The following NSMAF variants were observed in gnomAD, a reference collection of about 807,000 sequenced individuals.
NSMAF encodes the protein neutral sphingomyelinase activation associated factor, also known as protein FAN.
NSMAF carries 90 observed loss-of-function variants against 134.9 expected under a neutral mutation model. The ratio of observed to expected loss-of-function variants is 0.67; its 90% CI spans 0.56 to 0.79. The LOEUF is 0.79. Among genes scored for constraint, NSMAF ranks in the 30% least tolerant of loss-of-function variants. NSMAF has a pLI of 0.00. For missense variants in NSMAF, 1,010 were observed against 1,119.0 expected, an observed-to-expected ratio of 0.90 and a Z score of 1.39; for synonymous variants, 358 against 389.6, an observed-to-expected ratio of 0.92 and a Z score of 0.96.
chr8:58,641,912 A>G (rs1399968269), intron 2 of NSMAF, among the ~76,000 whole-genome samples: 2 of 152,236 alleles, frequency 1.3e-5, no homozygotes, highest in Non-Finnish European at 2.9e-5. Flanking sequence ...GTATTTTAAT[A>G]ATAAACAAGT....
At chr8:58,624,808 A>G (rs1422713832) in intron 6 of NSMAF, among the ~76,000 whole-genome samples, 1 of 152,140 alleles carries the variant, frequency 6.6e-6, no homozygotes, top group African/African-American at 2.4e-5. Context: ...CTGATGTCCT[A>G]TCTGAACGTT....
At chr8:58,636,694 T>G (rs74853108) in intron 2 of NSMAF, among the ~76,000 whole-genome samples, 4,357 of 152,282 alleles carry the variant, frequency 0.029, 245 homozygotes, top group East Asian at 0.23. Context: ...ACACACAGTA[T>G]GTACACAAAT....
Position 58,604,190 on chromosome 8 carries a change from T to C in NSMAF, c.869-804A>G, listed in dbSNP as rs558275075. 3.9e-5 allele frequency among the ~76,000 whole-genome samples: 6 copies of C among 152,270 alleles called. No individual in the cohort carries two copies. In the South Asian group the frequency reaches 1.2e-3, roughly 32 times the overall value. On this transcript the variant is annotated intron_variant, in intron 12 of 30. Transcript: ENST00000038176. Reference sequence around the variant, plus strand: ...CTTTAATCAGCTACTAGGAAAGGGCTTCAAAAATCAAAACACACTTCCCCC... The same window carrying C: ...CTTTAATCAGCTACTAGGAAAGGGCCTCAAAAATCAAAACACACTTCCCCC...
chr8:58,643,192 T>C (rs1807373785), intron 1 of NSMAF, 119 bp from the exon 2 acceptor site: 4 of 748,996 alleles, frequency 5.3e-6, no homozygotes, highest in Non-Finnish European at 9.3e-6. Context: ...CAAACATTTA[T>C]GAAGCATGTA....
intron 1 of NSMAF, among the ~76,000 whole-genome samples, chr8:58,657,873 A>G (rs1259671394): frequency 6.6e-6 from 1 of 152,246 alleles, no homozygotes; most frequent in Admixed American, 6.5e-5. Context: ...GAACACTGCC[A>G]GCCTATCACG....
At chr8:58,659,412 T>C (rs1478420387) in intron 1 of NSMAF, 161 bp downstream of exon 1, 1 of 1,509,270 alleles carries the variant, frequency 6.6e-7, no homozygotes, top group African/African-American at 1.4e-5. Context: ...CGACCTCAGG[T>C]TTCCGCCACA....
chr8:58,623,083 T>C (rs1229641203), intron 9 of NSMAF, 137 bp downstream of exon 9: 1 of 681,484 alleles, frequency 1.5e-6, no homozygotes, highest in Non-Finnish European at 2.6e-6. Flanking sequence ...TCTCCTGCAC[T>C]GAGGCTGAGC....
intron 26 of NSMAF, 39 bp downstream of exon 26, chr8:58,589,413 C>G: frequency 7.1e-7 from 1 of 1,411,008 alleles, no homozygotes; most frequent in Non-Finnish European, 9.3e-7. Context: ...TGCCATATAG[C>G]ACACCAAGTT....
At chr8:58,639,882 G>A in intron 2 of NSMAF, 1 of 298,856 alleles carries the variant, frequency 3.3e-6, no homozygotes, top group Non-Finnish European at 6.6e-6. Flanking sequence ...AGTAAAATAA[G>A]CCAGCCACAG....
chr8:58,598,490 C>CAAAAAAAAAAAAAAAAAAAA (rs71250204), intron 19 of NSMAF, among the ~76,000 whole-genome samples: 80 of 125,966 alleles, frequency 6.4e-4, no homozygotes, highest in South Asian at 9.8e-4. Context: ...CTGTCTCAAA[C>CAAAAAAAAAAAAAAAAAAAA]AAAAAAAAAA....
At chr8:58,584,358 T>C (rs1170033524) in intron 30 of NSMAF, among the ~76,000 whole-genome samples, 158 bp from the exon 31 acceptor site, 1 of 152,220 alleles carries the variant, frequency 6.6e-6, no homozygotes, top group Non-Finnish European at 1.5e-5. Flanking sequence ...AACCCTTGAA[T>C]AAATTAAAAA....
intron 23 of NSMAF, among the ~76,000 whole-genome samples, chr8:58,591,597 G>A (rs1200731893): frequency 7.2e-6 from 1 of 139,458 alleles, no homozygotes; most frequent in Non-Finnish European, 1.5e-5. Flanking sequence ...AGCAATTCTT[G>A]TGCCTCAGCC....
chr8:58,647,914 T>A (rs1807498031), intron 1 of NSMAF, among the ~76,000 whole-genome samples: 1 of 152,096 alleles, frequency 6.6e-6, no homozygotes, highest in African/African-American at 2.4e-5. Context: ...CGTAAAGACA[T>A]GGAAGCAGCT....
rs752705451 is a variant in NSMAF, at chr8:58,631,536, A to G, written c.344T>C (p.Ile115Thr). The G allele has an allele frequency of 6.7e-7, 1 of 1,499,606 alleles. No individual in the cohort carries two copies. Among genetic ancestry groups the G allele is most frequent in the Non-Finnish European group, 9.1e-7 (1 of 1,104,914 alleles). 92.9% of individuals were successfully genotyped at this position (1,499,606 alleles called of 1,614,324 possible). Residue 115 changes from isoleucine to threonine, a missense_variant, in exon 6 of 31, where the codon ATT (isoleucine) becomes ACT (threonine). Physicochemically the swap from Ile to Thr is moderately conservative, Grantham distance 89. Coordinates refer to ENST00000038176, the MANE Select transcript of NSMAF (RefSeq NM_003580.4). ...TGGTGCAACAACATTATGTTCTTTA[A>G]TGAAATATACCTGAGCAAGAAAAAG... Reference protein sequence around the residue: ...ISLIFSQVYFIKEHNVVAPYK... With the variant: ...ISLIFSQVYFTKEHNVVAPYK...
At chr8:58,606,677 T>C (rs1228831730) in intron 11 of NSMAF, among the ~76,000 whole-genome samples, 3 of 152,118 alleles carry the variant, frequency 2.0e-5, no homozygotes, top group Admixed American at 1.3e-4. Flanking sequence ...TTTGTGACCA[T>C]AGTGTTAGTA....
intron 1 of NSMAF, among the ~76,000 whole-genome samples, chr8:58,645,830 C>A (rs978634375): frequency 6.6e-6 from 1 of 152,132 alleles, no homozygotes; most frequent in African/African-American, 2.4e-5. Flanking sequence ...TGCCTGAGGT[C>A]AGGAGTTCGA....
rs1166383919 is a variant in NSMAF, at chr8:58,621,409, T to C, written c.557+1811A>G. ...GCTATTAATATTTTGAATAGTGCTG[T>C]GATAAGCCTACGTGTGCATGTATCT... On this transcript the variant is annotated intron_variant, in intron 9 of 30. Coordinates refer to ENST00000038176, the MANE Select transcript of NSMAF (RefSeq NM_003580.4). Among the ~76,000 whole-genome samples, 8 of 152,150 alleles carry C rather than the reference T, an allele frequency of 5.3e-5. No homozygotes were observed. The East Asian group carries it at 1.5e-3, about 29-fold the overall frequency.
chr8:58,614,699 G>C (rs1382828960), intron 9 of NSMAF, among the ~76,000 whole-genome samples: 1 of 152,164 alleles, frequency 6.6e-6, no homozygotes, highest in Non-Finnish European at 1.5e-5. Context: ...CAGTCATTTG[G>C]ACGCTGAGTC....
chr8:58,621,591 C>T (rs573679481), intron 9 of NSMAF, among the ~76,000 whole-genome samples: 118 of 152,286 alleles, frequency 7.7e-4, no homozygotes, highest in Non-Finnish European at 1.4e-3. Context: ...TACAAGCATT[C>T]CCTTTTCTCT....
Sources: allele counts gnomAD v4.1 joint callset (sites outside exome capture counted in the v4.1 genomes callset), GRCh38; gene constraint gnomAD v4.1.1; transcripts MANE v1.5; gene names NCBI Gene and HGNC (gene_info 2026-07-23, HGNC 2026-07-21).